Variants in MAPK14 observed in about 807,000 individuals in gnomAD.
MAPK14 encodes the protein mitogen-activated protein kinase 14.
A neutral mutation model predicts 49.6 loss-of-function variants in MAPK14; 16 were observed. The observed-to-expected ratio is 0.32, with a 90% CI of 0.22 to 0.49. The LOEUF is 0.49. Ranked by LOEUF, MAPK14 falls within the 20% of genes least tolerant of loss-of-function variation. MAPK14 has a pLI of 0.99. For missense variants in MAPK14, 200 were observed against 441.2 expected, an observed-to-expected ratio of 0.45 and a Z score of 4.90; for synonymous variants, 142 against 158.0, an observed-to-expected ratio of 0.90 and a Z score of 0.76.
chr6:36,035,405 T>C (rs1762705390), intron 1 of MAPK14, among the ~76,000 whole-genome samples: 1 of 152,242 alleles, frequency 6.6e-6, no homozygotes, highest in South Asian at 2.1e-4. Flanking sequence ...GCCAACCAGC[T>C]GTTCCCTCTC....
At chr6:36,106,129 A>AT (rs1422532305) in intron 10 of MAPK14, among the ~76,000 whole-genome samples, 1 of 152,204 alleles carries the variant, frequency 6.6e-6, no homozygotes, top group African/African-American at 2.4e-5. Flanking sequence ...AGTGGGACAG[A>AT]TGGCCTTAAT....
chr6:36,106,223 G>A (rs752507316), intron 10 of MAPK14, among the ~76,000 whole-genome samples: 1 of 152,096 alleles, frequency 6.6e-6, no homozygotes, highest in East Asian at 1.9e-4. Context: ...CCTAACTTCC[G>A]GTTTTTGGGA....
chr6:36,060,676 A>G (rs1763783394), intron 3 of MAPK14, among the ~76,000 whole-genome samples: 1 of 152,190 alleles, frequency 6.6e-6, no homozygotes. Context: ...CCTTCCCCAC[A>G]GAACACAAAG....
In MAPK14 at chr6:36,028,471, G is replaced by T. The variant is rs551659541; in HGVS notation, c.116+198G>T. The stretch of plus-strand genomic sequence containing the variant: ...CACTCACGCAGGTATGCGGTCCACC[G>T]TGTGCAGCACTCAGGTCCGCTGCGA... On this transcript the variant is annotated intron_variant, in intron 1 of 11. Coordinates refer to ENST00000229794, the MANE Select transcript of MAPK14 (RefSeq NM_139012.3). The surrounding 1 kb of genome is among the most constrained non-coding windows in gnomAD (Gnocchi z 5.1). Among the ~76,000 whole-genome samples the T allele has an allele frequency of 2.6e-5, 4 of 152,366 alleles. No homozygotes were observed. The East Asian group carries it at 7.7e-4, about 29-fold the overall frequency.
chr6:36,111,841 C>A (rs547105958), downstream of MAPK14, among the ~76,000 whole-genome samples: 136 of 152,222 alleles, frequency 8.9e-4, 2 homozygotes, highest in South Asian at 8.9e-3. Context: ...CCTTTCCATC[C>A]CCAGTGACTT....
At chr6:36,037,408 T>TG (rs1170551254) in intron 1 of MAPK14, among the ~76,000 whole-genome samples, 2 of 152,126 alleles carry the variant, frequency 1.3e-5, no homozygotes, top group Non-Finnish European at 2.9e-5. Flanking sequence ...GGCTGAATGT[T>TG]GGGGGAAAGA....
rs1006660833 is a variant in MAPK14, at chr6:36,073,911, A to T, written c.448-138A>T. 17 of 859,766 alleles carry T rather than the reference A, an allele frequency of 2.0e-5. No homozygotes were observed. The African/African-American group carries it at 2.7e-4, about 14-fold the overall frequency. 53.3% of individuals were successfully genotyped at this position (859,766 alleles called of 1,614,324 possible). A position where few individuals can be genotyped will look rare whatever the true frequency, so the allele number is the denominator to read the frequency against. ...TCTATGTAAGGCTAACTTGGACTGG[A>T]TATTGACTGTAGGATGGAGATTGTC... On this transcript the variant is annotated intron_variant, in intron 5 of 11. Transcript: ENST00000229794.
intron 1 of MAPK14, among the ~76,000 whole-genome samples, chr6:36,029,329 G>A (rs550030017): frequency 6.6e-6 from 1 of 152,252 alleles, no homozygotes; most frequent in African/African-American, 2.4e-5. Context: ...ATACTTTTTA[G>A]CTTTAATTTA....
chr6:36,073,860 T>A, intron 5 of MAPK14, 140 bp downstream of exon 5: 3 of 986,486 alleles, frequency 3.0e-6, no homozygotes, highest in Non-Finnish European at 4.6e-6. Context: ...TTAAGCTGAT[T>A]AAAGAAAGAA....
chr6:36,102,124 T>G (rs934557718), intron 9 of MAPK14, among the ~76,000 whole-genome samples: 1 of 152,236 alleles, frequency 6.6e-6, no homozygotes, highest in Non-Finnish European at 1.5e-5. Context: ...AGGTTTAATA[T>G]TGATATCCTT....
At chr6:36,122,731 C>G in the MAPK14 span, among the ~76,000 whole-genome samples, 1 of 152,188 alleles carries the variant, frequency 6.6e-6, no homozygotes. Context: ...GAGGGAGCAC[C>G]ATGCACAATG....
chr6:36,093,103 G>A (rs1299417966), intron 8 of MAPK14, among the ~76,000 whole-genome samples: 1 of 152,196 alleles, frequency 6.6e-6, no homozygotes, highest in Non-Finnish European at 1.5e-5. Context: ...TGGAAGGACG[G>A]GAGAAGGGGG....
intron 8 of MAPK14, among the ~76,000 whole-genome samples, chr6:36,078,007 A>G (rs887587864): frequency 6.6e-6 from 1 of 152,076 alleles, no homozygotes; most frequent in East Asian, 1.9e-4. Context: ...TTGTGTCTGT[A>G]TCTCCAGCTA....
intron 1 of MAPK14, among the ~76,000 whole-genome samples, chr6:36,034,897 C>CTTTTT (rs200316205): frequency 3.5e-4 from 42 of 121,012 alleles, no homozygotes; most frequent in African/African-American, 7.1e-4. Flanking sequence ...TTCTTTCTTT[C>CTTTTT]TTTTTTTTTT....
chr6:36,039,541 A>G (rs1224108846), intron 1 of MAPK14, among the ~76,000 whole-genome samples: 1 of 152,100 alleles, frequency 6.6e-6, no homozygotes, highest in Non-Finnish European at 1.5e-5. Flanking sequence ...TGCATTTTCA[A>G]ACTTATGGCT....
rs1032248851 is a variant in MAPK14 at position 36,028,652 on chromosome 6, C to T, written c.116+379C>T. Among the ~76,000 whole-genome samples the T allele has an allele frequency of 2.0e-5, 3 of 152,188 alleles. No homozygotes were observed. Among genetic ancestry groups the T allele is most frequent in the Non-Finnish European group, 2.9e-5 (2 of 68,042 alleles). On this transcript the variant is annotated intron_variant, in intron 1 of 11. Transcript: ENST00000229794. This position sits in a 1 kb window ranked among gnomAD's most constrained non-coding sequence, Gnocchi z 5.1. ...CAGAAGGACCCTCTCCCGTGATGCG[C>T]CCACGCTGGGGCTCCGGACCCTGGG... is the stretch of plus-strand genomic sequence containing the variant.
At chr6:36,072,780 A>G in intron 3 of MAPK14, 93 bp from the exon 4 acceptor site, 1 of 689,778 alleles carries the variant, frequency 1.4e-6, no homozygotes, top group Admixed American at 3.0e-5. Flanking sequence ...AAAAACAAAA[A>G]CCAAAAAAAC....
chr6:36,062,689 G>A (rs375909265), intron 3 of MAPK14, among the ~76,000 whole-genome samples: 3 of 128,878 alleles, frequency 2.3e-5, no homozygotes, highest in Admixed American at 9.6e-5. Context: ...GTGGAGTCTC[G>A]CTCTGTCACC....
At chr6:36,114,574 C>T (rs936778759), downstream of MAPK14, among the ~76,000 whole-genome samples, 1 of 149,582 alleles carries the variant, frequency 6.7e-6, no homozygotes, top group Admixed American at 6.7e-5. Context: ...GCCAAGATGA[C>T]ACCGCAGCAC....
Sources: allele counts gnomAD v4.1 joint callset (sites outside exome capture counted in the v4.1 genomes callset), GRCh38; gene constraint gnomAD v4.1.1; non-coding constraint Gnocchi (gnomAD v3.1); transcripts MANE v1.5; gene names NCBI Gene and HGNC (gene_info 2026-07-23, HGNC 2026-07-21).